The following PRICKLE1 variants were observed in gnomAD, a reference collection of about 807,000 sequenced individuals.
The protein encoded by PRICKLE1 is prickle-like protein 1.
PRICKLE1 carries 14 observed loss-of-function variants against 70.2 expected under a neutral mutation model. That is an observed-to-expected ratio of 0.20 (90% CI 0.13 to 0.31). PRICKLE1 has a LOEUF of 0.31. Ranked by LOEUF, PRICKLE1 falls within the 10% of genes least tolerant of loss-of-function variation. The probability of loss-of-function intolerance (pLI) is 1.00; values close to 1 mark genes in which losing one functional copy is unlikely to be tolerated. For missense variants in PRICKLE1, 821 were observed against 1,026.2 expected (o/e 0.80, Z 2.73); for synonymous variants, 357 against 379.9 (o/e 0.94, Z 0.70).
intron 1 of PRICKLE1, among the ~76,000 whole-genome samples, chr12:42,477,482 G>GTATATATATA (rs139988285): frequency 1.7e-5 from 2 of 116,398 alleles, no homozygotes; most frequent in African/African-American, 6.3e-5. Context: ...GTGTGTGTGT[G>GTATATATATA]TATATATATA....
At chr12:42,556,227 G>T (rs139803919) in intron 1 of PRICKLE1, among the ~76,000 whole-genome samples, 7 of 152,072 alleles carry the variant, frequency 4.6e-5, no homozygotes, top group Non-Finnish European at 1.0e-4. Flanking sequence ...CTGCATAAAG[G>T]GTTTCAATGT....
At chr12:42,528,326 G>T (rs1376555484) in intron 1 of PRICKLE1, among the ~76,000 whole-genome samples, 1 of 151,954 alleles carries the variant, frequency 6.6e-6, no homozygotes, top group Non-Finnish European at 1.5e-5. Context: ...CTCCCACCTC[G>T]GCCTTGCAAA....
At chr12:42,505,093 T>C (rs1239829708) in intron 1 of PRICKLE1, among the ~76,000 whole-genome samples, 1 of 152,116 alleles carries the variant, frequency 6.6e-6, no homozygotes, top group Non-Finnish European at 1.5e-5. Context: ...GAGCCTAGAC[T>C]GTGCCACTGC....
intron 1 of PRICKLE1, among the ~76,000 whole-genome samples, chr12:42,563,702 CAAAAAAAAAAAAA>C (rs11367725): frequency 4.3e-5 from 2 of 46,512 alleles, no homozygotes; most frequent in Non-Finnish European, 7.9e-5. Flanking sequence ...GACTCTGTCT[CAAAAAAAAAAAAA>C]AAAAAAAAAA....
intron 1 of PRICKLE1, among the ~76,000 whole-genome samples, chr12:42,534,577 A>G (rs768687456): frequency 6.6e-6 from 1 of 152,222 alleles, no homozygotes; most frequent in South Asian, 2.1e-4. Flanking sequence ...AATTCTCTAC[A>G]GTAGCCCTTT....
At chr12:42,579,612 G>T (rs573353540) in intron 1 of PRICKLE1, among the ~76,000 whole-genome samples, 25 of 152,300 alleles carry the variant, frequency 1.6e-4, no homozygotes, top group Middle Eastern at 3.4e-3. Context: ...AGACCCTGAT[G>T]ATTTGATTTG....
intron 7 of PRICKLE1, among the ~76,000 whole-genome samples, chr12:42,463,130 G>A (rs1349145516): frequency 6.6e-6 from 1 of 151,802 alleles, no homozygotes; most frequent in African/African-American, 2.4e-5. Flanking sequence ...AGACCAGCCT[G>A]TCTCACAAAA....
At position 42,558,617 on chromosome 12, in the gene PRICKLE1, A is replaced by G. The variant is rs1039287577; in HGVS notation, c.-49+30848T>C. Among the ~76,000 whole-genome samples, 29 of 152,348 alleles carry G rather than the reference A, an allele frequency of 1.9e-4. 1 individual carries two copies. The highest frequency in any genetic ancestry group is 7.0e-4 in the African/African-American group (29 of 41,584). On this transcript the variant is annotated intron_variant, in intron 1 of 7. Transcript: ENST00000345127. ...GATGCCAGCCGTGAGTGAACACCGGACCACAAGCTCGCTGTCTTTGAGCTA... is the reference window on the plus strand; with the variant it reads ...GATGCCAGCCGTGAGTGAACACCGGGCCACAAGCTCGCTGTCTTTGAGCTA...
At chr12:42,529,527 T>C (rs1443597379) in intron 1 of PRICKLE1, among the ~76,000 whole-genome samples, 1 of 152,204 alleles carries the variant, frequency 6.6e-6, no homozygotes, top group African/African-American at 2.4e-5. Context: ...AGGATAGAAA[T>C]GTGATTCTTA....
At chr12:42,533,205 T>A (rs1390660722) in intron 1 of PRICKLE1, among the ~76,000 whole-genome samples, 3 of 146,302 alleles carry the variant, frequency 2.1e-5, no homozygotes, top group Non-Finnish European at 3.0e-5. Flanking sequence ...GATAGATTTT[T>A]TTTTCTTCTT....
chr12:42,479,839 C>T lies in PRICKLE1; in HGVS notation c.-48-7275G>A, dbSNP rs749270291. Among the ~76,000 whole-genome samples the T allele has an allele frequency of 9.3e-4, 142 of 151,962 alleles. 2 individuals are homozygous for T. Among genetic ancestry groups the T allele is most frequent in the Non-Finnish European group, 6.2e-4 (42 of 67,996 alleles). On this transcript the variant is annotated intron_variant, in intron 1 of 7. Transcript: ENST00000345127. ...GCATGGTGGCGCATGTCTGTAATCCCAGTACTTGGGAGGCTGAGGCAGGAG... is the reference window on the plus strand; with the variant it reads ...GCATGGTGGCGCATGTCTGTAATCCTAGTACTTGGGAGGCTGAGGCAGGAG...
intron 1 of PRICKLE1, among the ~76,000 whole-genome samples, chr12:42,576,040 T>G (rs1471461946): frequency 6.6e-6 from 1 of 152,204 alleles, no homozygotes; most frequent in African/African-American, 2.4e-5. Flanking sequence ...CTTGAAAAAC[T>G]GAACCACTCC....
intron 1 of PRICKLE1, among the ~76,000 whole-genome samples, chr12:42,475,758 C>G (rs1593119683): frequency 2.0e-5 from 3 of 151,736 alleles, no homozygotes; most frequent in Non-Finnish European, 4.4e-5. Flanking sequence ...ATGACAAAAC[C>G]ATTCACTCGC....
intron 1 of PRICKLE1, among the ~76,000 whole-genome samples, chr12:42,564,281 A>G (rs1276216748): frequency 2.6e-5 from 4 of 151,314 alleles, no homozygotes; most frequent in Non-Finnish European, 5.9e-5. Flanking sequence ...AAGAAAAGAA[A>G]AAAGAAAAAG....
intron 1 of PRICKLE1, among the ~76,000 whole-genome samples, chr12:42,515,983 TC>T (rs1279013230): frequency 4.6e-5 from 7 of 152,328 alleles, no homozygotes; most frequent in Admixed American, 3.9e-4. Context: ...TCCATTTTTC[TC>T]CTGCTATTTA....
chr12:42,467,566 C>G (rs117985665), intron 5 of PRICKLE1, among the ~76,000 whole-genome samples: 15,906 of 151,786 alleles, frequency 0.1, 1,098 homozygotes, highest in African/African-American at 0.2. Flanking sequence ...CATGGTGAAG[C>G]CCGCCTCTAC....
chr12:42,541,045 C>T (rs1215212604), intron 1 of PRICKLE1, among the ~76,000 whole-genome samples: 3 of 151,858 alleles, frequency 2.0e-5, no homozygotes, highest in Non-Finnish European at 4.4e-5. Context: ...TGCTCTATAG[C>T]CCCCATTCAG....
chr12:42,553,486 T>C (rs1940361286), intron 1 of PRICKLE1, among the ~76,000 whole-genome samples: 1 of 134,916 alleles, frequency 7.4e-6, no homozygotes, highest in Admixed American at 7.9e-5. Flanking sequence ...AAGTCCATTG[T>C]GTTGTGTTAC....
chr12:42,565,059 T>C (rs903248065), intron 1 of PRICKLE1, among the ~76,000 whole-genome samples: 1 of 152,234 alleles, frequency 6.6e-6, no homozygotes, highest in East Asian at 1.9e-4. Context: ...CAAGGACAAT[T>C]AACAAATATT....
Sources: allele counts gnomAD v4.1 joint callset (sites outside exome capture counted in the v4.1 genomes callset), GRCh38; gene constraint gnomAD v4.1.1; transcripts MANE v1.5; gene names NCBI Gene and HGNC (gene_info 2026-07-23, HGNC 2026-07-21).